KCNMA1: variants seen among roughly 807,000 people sequenced by gnomAD.
KCNMA1 encodes potassium calcium-activated channel subfamily M alpha 1.
Under a neutral mutation model 140.0 loss-of-function variants are expected in KCNMA1, and 29 were observed. The observed-to-expected ratio is 0.21, with a 90% CI of 0.15 to 0.28. The LOEUF (loss-of-function observed/expected upper bound fraction) is 0.28. Among genes scored for constraint, KCNMA1 ranks in the 10% least tolerant of loss-of-function variants. The pLI is 1.00. For synonymous variants in KCNMA1, 612 were observed against 611.9 expected, an observed-to-expected ratio of 1.00 and a Z score of 0.00; for missense variants, 880 against 1,602.2, an observed-to-expected ratio of 0.55 and a Z score of 7.70.
intron 25 of KCNMA1, among the ~76,000 whole-genome samples, chr10:76,893,199 G>A (rs926697505): frequency 2.6e-5 from 4 of 152,122 alleles, no homozygotes; most frequent in Non-Finnish European, 5.9e-5. Context: ...TGTAATAATA[G>A]AAGGCTGTGG....
chr10:77,470,139 A>G (rs2098119396), intron 1 of KCNMA1, among the ~76,000 whole-genome samples: 1 of 152,114 alleles, frequency 6.6e-6, no homozygotes, highest in Non-Finnish European at 1.5e-5. Flanking sequence ...AGGAAACCCC[A>G]GGGCCATCTT....
intron 1 of KCNMA1, among the ~76,000 whole-genome samples, chr10:77,583,533 A>T (rs1285668017): frequency 6.6e-6 from 1 of 152,242 alleles, no homozygotes; most frequent in Non-Finnish European, 1.5e-5. Context: ...TAATTTTCTA[A>T]GATCTGAAAT....
chr10:77,322,798 G>A (rs1311176073), intron 2 of KCNMA1, among the ~76,000 whole-genome samples: 1 of 152,124 alleles, frequency 6.6e-6, no homozygotes, highest in Admixed American at 6.6e-5. Flanking sequence ...CCATGCTGGA[G>A]CCTAAATACT....
chr10:76,957,061 G>C (rs2068635894), intron 20 of KCNMA1, among the ~76,000 whole-genome samples: 1 of 146,246 alleles, frequency 6.8e-6, no homozygotes, highest in South Asian at 2.2e-4. Flanking sequence ...CCAGGAGGTG[G>C]AGCTTGCAGT....
intron 1 of KCNMA1, among the ~76,000 whole-genome samples, chr10:77,454,102 TAA>T (rs1356273660): frequency 6.6e-6 from 1 of 152,204 alleles, no homozygotes; most frequent in East Asian, 1.9e-4. Flanking sequence ...ATAGGAGTAC[TAA>T]GATATCCAGC....
At chr10:76,914,069 T>C in intron 24 of KCNMA1, 3 of 1,550,118 alleles carry the variant, frequency 1.9e-6, no homozygotes, top group Non-Finnish European at 1.7e-6. Flanking sequence ...AGTTCAGTTA[T>C]CATTAGAATG....
intron 3 of KCNMA1, among the ~76,000 whole-genome samples, chr10:77,241,938 C>T (rs1017545867): frequency 2.6e-5 from 4 of 152,110 alleles, no homozygotes; most frequent in Admixed American, 6.6e-5. Flanking sequence ...ACAAAGCCAA[C>T]GTACCTAGAG....
chr10:77,123,179 CAAAAAAAAAAAAAAAAAAAAA>C (rs61374890), intron 5 of KCNMA1, among the ~76,000 whole-genome samples: 7 of 59,646 alleles, frequency 1.2e-4, no homozygotes, highest in East Asian at 8.8e-4. Context: ...GACTCCGTCT[CAAAAAAAAAAAAAAAAAAAAA>C]AAAAAAAAAA....
chr10:77,449,728 C>T (rs1731667106), intron 1 of KCNMA1, among the ~76,000 whole-genome samples: 4 of 150,626 alleles, frequency 2.7e-5, no homozygotes. Context: ...CTGCAAGCTC[C>T]ACCTCCCGGG....
At chr10:76,984,032 T>C (rs911261579) in intron 19 of KCNMA1, among the ~76,000 whole-genome samples, 7 of 152,194 alleles carry the variant, frequency 4.6e-5, no homozygotes, top group Admixed American at 6.5e-5. Flanking sequence ...GATGCCCTAG[T>C]TGATGAGCTG....
intron 2 of KCNMA1, among the ~76,000 whole-genome samples, chr10:77,298,370 G>A (rs1477776610): frequency 6.6e-6 from 1 of 152,104 alleles, no homozygotes; most frequent in African/African-American, 2.4e-5. Flanking sequence ...AGCGTCCCGA[G>A]TAGCTGGGCT....
chr10:76,974,417 T>C, intron 19 of KCNMA1: 1 of 926,856 alleles, frequency 1.1e-6, no homozygotes, highest in Non-Finnish European at 1.7e-6. Context: ...GAGCTCAGCA[T>C]GGTAAAGTAG....
chr10:77,290,146 A>C (rs1479943945), intron 2 of KCNMA1, among the ~76,000 whole-genome samples: 1 of 152,204 alleles, frequency 6.6e-6, no homozygotes, highest in Non-Finnish European at 1.5e-5. Flanking sequence ...TTTTTTTAAA[A>C]AGTCAATTTT....
chr10:77,081,066 C>T (rs769352175), intron 12 of KCNMA1, among the ~76,000 whole-genome samples: 1 of 152,132 alleles, frequency 6.6e-6, no homozygotes, highest in Non-Finnish European at 1.5e-5. Flanking sequence ...CAATGTTAAG[C>T]ATGGCCTGCA....
intron 3 of KCNMA1, among the ~76,000 whole-genome samples, chr10:77,188,751 G>T (rs572386974): frequency 3.3e-5 from 5 of 152,284 alleles, no homozygotes; most frequent in African/African-American, 1.2e-4. Context: ...CTCTTGAGCA[G>T]GATGATCCAA....
At position 77,299,423 on chromosome 10, in the gene KCNMA1, C is replaced by G. The variant is rs2076033506; in HGVS notation, c.541-48167G>C. On this transcript the variant is annotated intron_variant, in intron 2 of 27. Transcript: ENST00000286628. ...GGGACCTTGCTCCCTAGGCCAGCATCTGGATTTCCCATCTGGCCCACGCCT... is the reference window on the plus strand; with the variant it reads ...GGGACCTTGCTCCCTAGGCCAGCATGTGGATTTCCCATCTGGCCCACGCCT... Among the ~76,000 whole-genome samples the G allele has an allele frequency of 2.6e-5, 4 of 152,206 alleles. No homozygotes were observed. In the South Asian group the frequency reaches 8.3e-4, roughly 31 times the overall value.
chr10:76,913,953 C>A, intron 24 of KCNMA1: 1 of 849,284 alleles, frequency 1.2e-6, no homozygotes, highest in Admixed American at 2.2e-5. Flanking sequence ...ATGGGGTAGC[C>A]TTTCTGTTAC....
intron 5 of KCNMA1, among the ~76,000 whole-genome samples, chr10:77,164,566 CA>C (rs2098612705): frequency 6.6e-6 from 1 of 151,444 alleles, no homozygotes; most frequent in Non-Finnish European, 1.5e-5. Context: ...TAAGAAAAGA[CA>C]ACTGGACTCC....
chr10:77,559,372 G>T lies in KCNMA1; in HGVS notation c.378+77893C>A, dbSNP rs577353777. ...CTGAAGGGTTGGACCTGGCACAGTC[G>T]ACACTTCTCTAGGACTCTGTCGGTG... On this transcript the variant is annotated intron_variant, in intron 1 of 27. Transcript: ENST00000286628. 3.3e-5 allele frequency among the ~76,000 whole-genome samples: 5 copies of T among 152,314 alleles called. No individual in the cohort carries two copies. In the South Asian group the frequency reaches 1.0e-3, roughly 32 times the overall value.
Sources: gnomAD v4.1 joint callset for allele counts (sites outside exome capture counted in the v4.1 genomes callset) on GRCh38, gnomAD v4.1.1 for gene constraint, MANE v1.5 for transcripts, NCBI Gene and HGNC (gene_info 2026-07-23, HGNC 2026-07-21) for gene names.